COLQ: variants seen among roughly 807,000 people sequenced by gnomAD.
COLQ encodes acetylcholinesterase collagenic tail peptide.
A neutral mutation model predicts 69.0 loss-of-function variants in COLQ; 48 were observed. That is an observed-to-expected ratio of 0.70 (90% confidence interval 0.55 to 0.88). The LOEUF (loss-of-function observed/expected upper bound fraction) is 0.88, where lower values mean the gene tolerates loss of function less well. Among genes scored for constraint, COLQ ranks in the 40% least tolerant of loss-of-function variants. The probability of loss-of-function intolerance (pLI) is 0.00; values close to 1 mark genes in which losing one functional copy is unlikely to be tolerated. For synonymous variants in COLQ, 217 were observed against 211.2 expected, an observed-to-expected ratio of 1.03 and a Z score of -0.24; for missense variants, 618 against 594.6, an observed-to-expected ratio of 1.04 and a Z score of -0.41.
chr3:15,518,375 ATAATCACCAGCT>A (rs1190108401), intron 1 of COLQ, among the ~76,000 whole-genome samples: 10 of 152,244 alleles, frequency 6.6e-5, no homozygotes, highest in Admixed American at 6.5e-4. Context: ...TATGCTATAT[ATAATCACCAGCT>A]TTCAAGTCAC....
chr3:15,475,261 C>G, intron 7 of COLQ, 164 bp downstream of exon 7: 1 of 744,040 alleles, frequency 1.3e-6, no homozygotes, highest in Non-Finnish European at 2.3e-6. Context: ...CCCTGCATCC[C>G]AGGGCATGAT....
chr3:15,506,939 C>CT (rs1335068745), intron 1 of COLQ: 1 of 152,226 alleles, frequency 6.6e-6, no homozygotes, highest in Non-Finnish European at 1.5e-5. Flanking sequence ...TATTCTGTAA[C>CT]TACATAAAAT....
chr3:15,471,695 G>A (rs2062290430), intron 10 of COLQ, among the ~76,000 whole-genome samples: 1 of 152,212 alleles, frequency 6.6e-6, no homozygotes, highest in Admixed American at 6.5e-5. Context: ...ACCTGTATAT[G>A]GAAAGGATCA....
chr3:15,471,447 C>T (rs1016045366), intron 10 of COLQ, among the ~76,000 whole-genome samples: 15 of 152,194 alleles, frequency 9.9e-5, no homozygotes, highest in Admixed American at 3.3e-4. Context: ...GATTCCAGCC[C>T]CACTTACTAT....
At chr3:15,465,610 C>CTTTT (rs71045163) in intron 12 of COLQ, among the ~76,000 whole-genome samples, 24 of 94,750 alleles carry the variant, frequency 2.5e-4, no homozygotes, top group African/African-American at 7.5e-4. Flanking sequence ...CTTTCTACAT[C>CTTTT]TTTTTTTTTT....
chr3:15,504,913 C>T (rs1403783457), intron 1 of COLQ, among the ~76,000 whole-genome samples: 1 of 152,184 alleles, frequency 6.6e-6, no homozygotes, highest in Non-Finnish European at 1.5e-5. Flanking sequence ...TTCTAAGGTA[C>T]TGGGTATTAC....
chr3:15,504,503 A>G (rs2062876546), intron 1 of COLQ, among the ~76,000 whole-genome samples: 1 of 152,198 alleles, frequency 6.6e-6, no homozygotes, highest in Admixed American at 6.5e-5. Flanking sequence ...AGTTGGATTA[A>G]TGCCCACCCT....
intron 1 of COLQ, among the ~76,000 whole-genome samples, chr3:15,490,941 A>C (rs1280792584): frequency 6.6e-6 from 1 of 152,192 alleles, no homozygotes; most frequent in East Asian, 1.9e-4. Flanking sequence ...TTAAAGTTTC[A>C]GGTTCTGACT....
chr3:15,478,500 T>G, intron 5 of COLQ: 1 of 209,226 alleles, frequency 4.8e-6, no homozygotes, highest in Non-Finnish European at 9.8e-6. Flanking sequence ...TGATAACATG[T>G]GTTTGGTTCA....
chr3:15,459,478 CTT>C (rs769741069), intron 12 of COLQ, among the ~76,000 whole-genome samples: 2,617 of 135,416 alleles, frequency 0.019, 57 homozygotes, highest in African/African-American at 0.066. Context: ...ATAAGGCATC[CTT>C]TTTTTTTTTT....
chr3:15,464,834 C>A (rs966346701), intron 12 of COLQ, among the ~76,000 whole-genome samples: 1 of 152,144 alleles, frequency 6.6e-6, no homozygotes, highest in Non-Finnish European at 1.5e-5. Context: ...CATGAGCTGA[C>A]AAGGGAACGA....
chr3:15,457,259 T>C (rs565913759), intron 13 of COLQ, among the ~76,000 whole-genome samples: 120 of 152,262 alleles, frequency 7.9e-4, no homozygotes, highest in African/African-American at 2.8e-3. Context: ...TACAGCATTA[T>C]TTACATTAGT....
chr3:15,519,753 CAA>C lies in COLQ; in HGVS notation c.106+1765_106+1766del, dbSNP rs753665503. On this transcript the variant is annotated intron_variant, in intron 1 of 16. Transcript: ENST00000383788. ...TGTTGTGCCAGGGTGCTCTCCAAGG[CAA>C]AGAGTTCAAAAGAAAACCAGAGGTT... is the stretch of plus-strand genomic sequence containing the variant. Among the ~76,000 whole-genome samples the C allele has an allele frequency of 9.8e-5, 15 of 152,286 alleles. 1 individual carries two copies. The highest frequency in any genetic ancestry group is 3.4e-3 in the Middle Eastern group (1 of 294).
intron 2 of COLQ, 24 bp from the exon 3 acceptor site, chr3:15,488,331 T>G: frequency 6.2e-7 from 1 of 1,601,694 alleles, no homozygotes; most frequent in South Asian, 1.1e-5. Context: ...CAACACAGAG[T>G]TAGAGGTCAG....
chr3:15,489,811 C>T lies in COLQ; in HGVS notation c.107-174G>A, dbSNP rs1026204102. Among the ~76,000 whole-genome samples the T allele has an allele frequency of 3.3e-5, 5 of 152,178 alleles. No homozygotes were observed. In the South Asian group the frequency reaches 6.2e-4, roughly 19 times the overall value. ...ACTTGACATAGCAATTATTCCCTTGCCCTTGCCTTTGCTAGATTAAGATGG... is the reference window on the plus strand; with the variant it reads ...ACTTGACATAGCAATTATTCCCTTGTCCTTGCCTTTGCTAGATTAAGATGG... On this transcript the variant is annotated intron_variant, in intron 1 of 16. Transcript: ENST00000383788.
intron 14 of COLQ, among the ~76,000 whole-genome samples, 190 bp from the exon 15 acceptor site, chr3:15,456,209 A>G (rs1031602755): frequency 6.6e-6 from 1 of 152,112 alleles, no homozygotes; most frequent in Non-Finnish European, 1.5e-5. Context: ...TCAGATCAAG[A>G]CAGCAACCTG....
rs113546642 is a variant in COLQ at position 15,463,898 on chromosome 3, T to C, written c.814+2443A>G. 4.6e-3 allele frequency among the ~76,000 whole-genome samples: 696 copies of C among 152,308 alleles called. 8 individuals carry two copies. The highest frequency in any genetic ancestry group is 0.016 in the African/African-American group (649 of 41,550). On this transcript the variant is annotated intron_variant, in intron 12 of 16. Transcript: ENST00000383788. ...GGCCTGGGCTGCATCTCAAATCTGA[T>C]TCCCCTAACAACATGGAAACAGGCG... is the stretch of plus-strand genomic sequence containing the variant.
chr3:15,508,146 A>T (rs936414412), intron 1 of COLQ, among the ~76,000 whole-genome samples: 3 of 152,166 alleles, frequency 2.0e-5, no homozygotes, highest in Non-Finnish European at 2.9e-5. Flanking sequence ...ATCATTTTAT[A>T]GTTTCATATT....
intron 1 of COLQ, among the ~76,000 whole-genome samples, chr3:15,504,785 G>A (rs565631856): frequency 4.6e-5 from 7 of 152,192 alleles, no homozygotes; most frequent in South Asian, 2.1e-4. Flanking sequence ...GTTTGAACCC[G>A]GAAACTGAAG....
Sources: allele counts gnomAD v4.1 joint callset (sites outside exome capture counted in the v4.1 genomes callset), GRCh38; gene constraint gnomAD v4.1.1; transcripts MANE v1.5; gene names NCBI Gene and HGNC (gene_info 2026-07-23, HGNC 2026-07-21).